Variants in UPP2 observed in about 807,000 individuals in gnomAD.
UPP2 encodes the protein UPase 2.
A neutral mutation model predicts 26.7 loss-of-function variants in UPP2; 23 were observed. The ratio of observed to expected loss-of-function variants is 0.86; its 90% CI spans 0.62 to 1.22. The LOEUF (loss-of-function observed/expected upper bound fraction) is 1.22. UPP2 is among the 50% of genes most tolerant of loss of function. The probability of loss-of-function intolerance (pLI) is 0.00; values close to 1 mark genes in which losing one functional copy is unlikely to be tolerated. For missense variants in UPP2, 387 were observed against 396.7 expected, an observed-to-expected ratio of 0.98 and a Z score of 0.21; for synonymous variants, 127 against 141.3, an observed-to-expected ratio of 0.90 and a Z score of 0.72.
intron 3 of UPP2, among the ~76,000 whole-genome samples, chr2:158,019,049 C>G (rs913630464): frequency 6.6e-6 from 1 of 152,200 alleles, no homozygotes; most frequent in African/African-American, 2.4e-5. Context: ...TATACATACT[C>G]TAGCAAGACA....
chr2:158,121,353 G>A (rs1317307214), intron 4 of UPP2, 56 bp from the exon 5 acceptor site: 9 of 1,505,138 alleles, frequency 6.0e-6, no homozygotes, highest in South Asian at 2.2e-5. Context: ...CATACTATGT[G>A]TCAAAAGTAA....
At chr2:158,055,163 C>T (rs918319436) in intron 3 of UPP2, among the ~76,000 whole-genome samples, 2 of 152,196 alleles carry the variant, frequency 1.3e-5, no homozygotes, top group Non-Finnish European at 1.5e-5. Flanking sequence ...TGGTGAGAGC[C>T]TTATTGCTGG....
At chr2:158,060,948 T>G (rs549691269) in intron 3 of UPP2, among the ~76,000 whole-genome samples, 1 of 152,224 alleles carries the variant, frequency 6.6e-6, no homozygotes, top group Non-Finnish European at 1.5e-5. Flanking sequence ...CATTTTAGTA[T>G]GGCAGCCTGG....
At chr2:158,098,210 G>T (rs557226285), upstream of UPP2, among the ~76,000 whole-genome samples, 1 of 152,236 alleles carries the variant, frequency 6.6e-6, no homozygotes, top group South Asian at 2.1e-4. Flanking sequence ...GAGGGCAGGA[G>T]AAATGGTGCA....
intron 2 of UPP2, among the ~76,000 whole-genome samples, chr2:158,009,679 C>T (rs552633857): frequency 3.3e-5 from 5 of 152,328 alleles, no homozygotes; most frequent in East Asian, 1.9e-4. Context: ...GTTAGCGCAA[C>T]GCAGACTGGA....
At chr2:158,052,635 C>CT (rs1321637833) in intron 3 of UPP2, among the ~76,000 whole-genome samples, 3 of 152,182 alleles carry the variant, frequency 2.0e-5, no homozygotes, top group Non-Finnish European at 4.4e-5. Context: ...TACTTAACAT[C>CT]TTTGGGCGTC....
chr2:158,074,856 T>C (rs1292528860), intron 3 of UPP2, among the ~76,000 whole-genome samples: 2 of 150,568 alleles, frequency 1.3e-5, no homozygotes, highest in African/African-American at 4.9e-5. Context: ...AAAAGACCAA[T>C]TGACCTGTTG....
intron 3 of UPP2, among the ~76,000 whole-genome samples, chr2:158,041,877 C>T (rs1460451096): frequency 1.3e-5 from 2 of 152,196 alleles, no homozygotes; most frequent in Admixed American, 1.3e-4. Context: ...GGACCAAATT[C>T]TTAAAATCAG....
At chr2:158,019,336 C>T (rs374527290) in intron 3 of UPP2, among the ~76,000 whole-genome samples, 1 of 152,032 alleles carries the variant, frequency 6.6e-6, no homozygotes, top group East Asian at 1.9e-4. Context: ...GAAGAGAGGA[C>T]AAACCTGGAG....
At chr2:158,090,828 G>A (rs1682900360) in intron 3 of UPP2, among the ~76,000 whole-genome samples, 1 of 152,130 alleles carries the variant, frequency 6.6e-6, no homozygotes, top group East Asian at 1.9e-4. Context: ...GCCCAGAGAG[G>A]ATCAAACTTG....
intron 3 of UPP2, among the ~76,000 whole-genome samples, chr2:158,062,016 A>G (rs1466489448): frequency 1.3e-5 from 2 of 152,258 alleles, no homozygotes; most frequent in East Asian, 3.8e-4. Flanking sequence ...GAACACGGCC[A>G]TACTTGTTTA....
intron 3 of UPP2, among the ~76,000 whole-genome samples, chr2:158,072,471 C>A (rs1031997583): frequency 5.9e-5 from 9 of 152,206 alleles, no homozygotes; most frequent in Admixed American, 4.6e-4. Context: ...AACCCTAGGG[C>A]CTTGAGTGAA....
chr2:158,091,904 G>A (rs1477533654), intron 3 of UPP2, among the ~76,000 whole-genome samples: 1 of 152,212 alleles, frequency 6.6e-6, no homozygotes, highest in Non-Finnish European at 1.5e-5. Context: ...AGCAGTCAAT[G>A]TTACCCAGTT....
Position 158,122,069 on chromosome 2 carries a change from G to A in UPP2, c.664+451G>A, listed in dbSNP as rs368034149. Among the ~76,000 whole-genome samples the A allele has an allele frequency of 9.9e-4, 150 of 151,994 alleles. 2 individuals are homozygous for A. The highest frequency in any genetic ancestry group is 3.3e-3 in the African/African-American group (138 of 41,522). ...CCACGGGATGGCATGATCTCAGAGC[G>A]GGGTTTTTATCTCTCAGCCATGAGT... is the stretch of plus-strand genomic sequence containing the variant. On this transcript the variant is annotated intron_variant, in intron 5 of 6. Coordinates refer to ENST00000005756, the MANE Select transcript of UPP2 (RefSeq NM_173355.4).
chr2:158,075,782 A>T (rs1255733579), intron 3 of UPP2, among the ~76,000 whole-genome samples: 1 of 152,076 alleles, frequency 6.6e-6, no homozygotes, highest in Non-Finnish European at 1.5e-5. Context: ...TTAAAAAATT[A>T]GAAAATCAAG....
At chr2:158,051,765 G>A (rs1320193239) in intron 3 of UPP2, among the ~76,000 whole-genome samples, 2 of 130,712 alleles carry the variant, frequency 1.5e-5, no homozygotes, top group Non-Finnish European at 3.3e-5. Flanking sequence ...CGGGCAACAG[G>A]GCAAGACTCC....
intron 3 of UPP2, among the ~76,000 whole-genome samples, chr2:158,026,078 C>T (rs941018596): frequency 6.6e-6 from 1 of 152,228 alleles, no homozygotes; most frequent in African/African-American, 2.4e-5. Context: ...TTCATTGTAT[C>T]TCCCGTCGTG....
intron 2 of UPP2, among the ~76,000 whole-genome samples, chr2:158,009,072 G>A (rs1422844969): frequency 6.6e-6 from 1 of 152,048 alleles, no homozygotes; most frequent in Non-Finnish European, 1.5e-5. Flanking sequence ...CTTTGATATT[G>A]CAAATTTTAA....
chr2:158,120,703 C>T (rs1683546839), intron 4 of UPP2, among the ~76,000 whole-genome samples: 1 of 151,948 alleles, frequency 6.6e-6, no homozygotes, highest in Admixed American at 6.6e-5. Context: ...TGTAACCTAT[C>T]TGTGTTGCCT....
Sources: allele counts gnomAD v4.1 joint callset (sites outside exome capture counted in the v4.1 genomes callset), GRCh38; gene constraint gnomAD v4.1.1; transcripts MANE v1.5; gene names NCBI Gene and HGNC (gene_info 2026-07-23, HGNC 2026-07-21).